The following ARMC3 variants were observed in gnomAD, a reference collection of about 807,000 sequenced individuals.
The protein encoded by ARMC3 is armadillo repeat containing 3, also known as armadillo repeat-containing protein 3.
A neutral mutation model predicts 90.3 loss-of-function variants in ARMC3; 74 were observed. The observed-to-expected ratio is 0.82, with a 90% confidence interval of 0.68 to 0.99. The LOEUF (loss-of-function observed/expected upper bound fraction) is 0.99, where lower values mean the gene tolerates loss of function less well. Among genes scored for constraint, ARMC3 ranks in the 50% least tolerant of loss-of-function variants. The pLI, the probability that ARMC3 is intolerant of heterozygous loss-of-function variation, is 0.00. For synonymous variants in ARMC3, 334 were observed against 361.8 expected, an observed-to-expected ratio of 0.92 and a Z score of 0.87; for missense variants, 958 against 1,042.8, an observed-to-expected ratio of 0.92 and a Z score of 1.12.
Position 22,929,351 on chromosome 10 carries a change from G to C in ARMC3, c.-2+1245G>C, listed in dbSNP as rs575626987. Among the ~76,000 whole-genome samples the C allele has an allele frequency of 4.0e-5, 6 of 151,208 alleles. No individual in the cohort carries two copies. The South Asian group carries it at 1.3e-3, about 32-fold the overall frequency. The stretch of plus-strand genomic sequence containing the variant: ...GAAAGGAAAGGAAAGGAAAAGAAAA[G>C]AAATAGTATTGATCTCTCTGAGCTT... On this transcript the variant is annotated intron_variant, in intron 1 of 18. Coordinates refer to ENST00000298032, the MANE Select transcript of ARMC3 (RefSeq NM_173081.5).
chr10:23,007,102 C>A, intron 14 of ARMC3, 121 bp downstream of exon 14: 1 of 765,278 alleles, frequency 1.3e-6, no homozygotes, highest in Non-Finnish European at 2.1e-6. Context: ...CTAGCACCTC[C>A]ATGAAAATAA....
intron 10 of ARMC3, among the ~76,000 whole-genome samples, chr10:22,997,530 T>C (rs917588965): frequency 6.6e-6 from 1 of 152,246 alleles, no homozygotes; most frequent in Non-Finnish European, 1.5e-5. Flanking sequence ...TGATCTTTAA[T>C]GTTTAATTTG....
At position 22,995,420 on chromosome 10, in the gene ARMC3, G is replaced by T. The variant is rs977464087; in HGVS notation, c.1176-2728G>T. Among the ~76,000 whole-genome samples the T allele has an allele frequency of 2.0e-5, 3 of 152,116 alleles. No homozygotes were observed. The South Asian group carries it at 6.2e-4, about 32-fold the overall frequency. ...TAGTGCTGCATATAGCAAATTACGGGCAAATATGTACATATAATGCAGGTT... is the reference window on the plus strand; with the variant it reads ...TAGTGCTGCATATAGCAAATTACGGTCAAATATGTACATATAATGCAGGTT... On this transcript the variant is annotated intron_variant, in intron 10 of 18. Transcript: ENST00000298032.
chr10:22,945,130 C>A (rs1407169088), intron 2 of ARMC3, among the ~76,000 whole-genome samples: 1 of 152,146 alleles, frequency 6.6e-6, no homozygotes, highest in African/African-American at 2.4e-5. Flanking sequence ...TTGCTATCTT[C>A]TTTCTTCTTT....
chr10:22,968,522 T>A, intron 8 of ARMC3, 33 bp downstream of exon 8: 1 of 1,515,832 alleles, frequency 6.6e-7, no homozygotes, highest in Non-Finnish European at 8.9e-7. Flanking sequence ...TATTTTGAGA[T>A]AGGATCTTGC....
chr10:22,973,907 T>C (rs2131311684), intron 8 of ARMC3, among the ~76,000 whole-genome samples: 1 of 151,884 alleles, frequency 6.6e-6, no homozygotes. Context: ...TACAGGTGCC[T>C]GCCACCAGGC....
At chr10:23,016,238 A>G (rs1170302814) in intron 16 of ARMC3, among the ~76,000 whole-genome samples, 1 of 152,232 alleles carries the variant, frequency 6.6e-6, no homozygotes, top group Non-Finnish European at 1.5e-5. Flanking sequence ...TCTTGCTTAA[A>G]TTGAAACCCC....
At position 22,953,376 on chromosome 10, in the gene ARMC3, TACAGCAGCAATA is replaced by T. The variant is rs531445254; in HGVS notation, c.167-2429_167-2418del. Among the ~76,000 whole-genome samples the T allele has an allele frequency of 2.7e-3, 405 of 152,192 alleles. 1 individual carries two copies. The highest frequency in any genetic ancestry group is 0.01 in the Middle Eastern group (3 of 294). On this transcript the variant is annotated intron_variant, in intron 3 of 18. Coordinates refer to ENST00000298032, the MANE Select transcript of ARMC3 (RefSeq NM_173081.5). Reference sequence around the variant, plus strand: ...GTTGTTAAACCACTAGATTTGTTATTACAGCAGCAATAAGAAAAAAATATATTTTTTTAAAAG... The same window carrying T: ...GTTGTTAAACCACTAGATTTGTTATTAGAAAAAAATATATTTTTTTAAAAG...
intron 7 of ARMC3, among the ~76,000 whole-genome samples, chr10:22,964,223 C>T (rs548917044): frequency 2.4e-4 from 37 of 152,140 alleles, no homozygotes; most frequent in Admixed American, 1.1e-3. Flanking sequence ...AAAATCTATA[C>T]ACTGAAAAAT....
At chr10:23,015,333 T>C (rs1262165913) in intron 16 of ARMC3, among the ~76,000 whole-genome samples, 1 of 152,220 alleles carries the variant, frequency 6.6e-6, no homozygotes, top group Admixed American at 6.5e-5. Flanking sequence ...TCCCTGGTTA[T>C]CCACTCTCCT....
intron 16 of ARMC3, among the ~76,000 whole-genome samples, chr10:23,019,516 C>T (rs1199836846): frequency 3.3e-5 from 5 of 152,016 alleles, no homozygotes; most frequent in African/African-American, 7.2e-5. Context: ...TCTATTTGTT[C>T]TCTGTTACTG....
intron 1 of ARMC3, among the ~76,000 whole-genome samples, chr10:22,929,711 A>G (rs1833858683): frequency 6.6e-6 from 1 of 152,064 alleles, no homozygotes; most frequent in South Asian, 2.1e-4. Context: ...CCGCCACTCC[A>G]GGCTAATTTT....
At position 23,030,727 on chromosome 10, in the gene ARMC3, A is replaced by G. The variant is rs576586641; in HGVS notation, c.2177A>G (p.Tyr726Cys). Residue 726 changes from tyrosine to cysteine, a missense_variant, in exon 17 of 19, where the codon TAT (tyrosine) becomes TGT (cysteine). Transcript: ENST00000298032. ...CPPSDPDFSM[Y>C]VYEVTKSILP... ...CCCTCTGACCCTGATTTCTCTATGT[A>G]TGTGTATGAGGTGACCAAATCAATA... 3 of 1,613,868 alleles carry G rather than the reference A, an allele frequency of 1.9e-6. No individual in the cohort carries two copies. The highest frequency in any genetic ancestry group is 4.5e-5 in the East Asian group (2 of 44,858).
intron 14 of ARMC3, among the ~76,000 whole-genome samples, chr10:23,007,621 C>T (rs534946234): frequency 1.9e-4 from 29 of 149,712 alleles, no homozygotes; most frequent in South Asian, 1.5e-3. Context: ...CACTTGAACC[C>T]GGGAGGCGGA....
intron 16 of ARMC3, among the ~76,000 whole-genome samples, chr10:23,020,160 G>A (rs553391793): frequency 4.6e-5 from 7 of 152,004 alleles, no homozygotes; most frequent in South Asian, 2.1e-4. Context: ...GCAGAGTCTC[G>A]CTCTGTTGCC....
intron 16 of ARMC3, among the ~76,000 whole-genome samples, chr10:23,018,574 T>C (rs11013246): frequency 0.11 from 16,924 of 147,426 alleles, 1,386 homozygotes; most frequent in African/African-American, 0.23. Context: ...TGGAGTCCTG[T>C]GGCTCAATCT....
intron 10 of ARMC3, among the ~76,000 whole-genome samples, chr10:22,982,775 A>T (rs1433135112): frequency 6.6e-6 from 1 of 152,128 alleles, no homozygotes; most frequent in East Asian, 1.9e-4. Context: ...TTGCTTTGTG[A>T]TATCATGGCT....
At chr10:23,036,623 T>C (rs1028022311) in intron 18 of ARMC3, among the ~76,000 whole-genome samples, 1 of 152,206 alleles carries the variant, frequency 6.6e-6, no homozygotes, top group Non-Finnish European at 1.5e-5. Flanking sequence ...ATCTGGGCTA[T>C]AATCCAGACC....
At chr10:22,964,493 G>A (rs976187746) in intron 7 of ARMC3, among the ~76,000 whole-genome samples, 1 of 150,366 alleles carries the variant, frequency 6.7e-6, no homozygotes, top group African/African-American at 2.5e-5. Flanking sequence ...AGGCTGGAGA[G>A]CAGTGGCACG....
Sources: gnomAD v4.1 joint callset for allele counts (sites outside exome capture counted in the v4.1 genomes callset) on GRCh38, gnomAD v4.1.1 for gene constraint, MANE v1.5 for transcripts, NCBI Gene and HGNC (gene_info 2026-07-23, HGNC 2026-07-21) for gene names.